GABRG2: variants seen among roughly 807,000 people sequenced by gnomAD.
GABRG2 encodes gamma-aminobutyric acid receptor subunit gamma-2.
A neutral mutation model predicts 56.4 loss-of-function variants in GABRG2; 16 were observed. The observed-to-expected ratio is 0.28, with a 90% CI of 0.19 to 0.43. The LOEUF (loss-of-function observed/expected upper bound fraction) is 0.43. GABRG2 is among the 20% of genes least tolerant of loss of function. The probability of loss-of-function intolerance (pLI) is 1.00; values close to 1 mark genes in which losing one functional copy is unlikely to be tolerated. For missense variants in GABRG2, 327 were observed against 582.7 expected (o/e 0.56, Z 4.52); for synonymous variants, 208 against 205.5 (o/e 1.01, Z -0.10).
In GABRG2 at chr5:162,142,330, G is replaced by A. The variant is rs1344721938; in HGVS notation, c.922+14G>A. On this transcript the variant is annotated intron_variant, in intron 7 of 9. Transcript: ENST00000639213. ...GAACATCTTTAGGTGAGACACCTTT[G>A]TTTATGTTGCAGTTTCTCAAGATAA... The A allele has an allele frequency of 1.2e-6, 2 of 1,613,790 alleles. No homozygotes were observed. Among genetic ancestry groups the A allele is most frequent in the Non-Finnish European group, 1.7e-6 (2 of 1,179,814 alleles).
intron 1 of GABRG2, among the ~76,000 whole-genome samples, chr5:162,069,481 A>G (rs2113095246): frequency 6.6e-6 from 1 of 152,258 alleles, no homozygotes; most frequent in African/African-American, 2.4e-5. Flanking sequence ...AATTATTGAA[A>G]CTAGGCAACT....
At chr5:162,093,290 C>T (rs530247574) in intron 1 of GABRG2, among the ~76,000 whole-genome samples, 1 of 152,108 alleles carries the variant, frequency 6.6e-6, no homozygotes, top group Non-Finnish European at 1.5e-5. Context: ...TACACATAAA[C>T]ACACCCTGGG....
intron 6 of GABRG2, among the ~76,000 whole-genome samples, chr5:162,105,379 C>T (rs1195851501): frequency 6.6e-6 from 1 of 150,580 alleles, no homozygotes; most frequent in Non-Finnish European, 1.5e-5. Flanking sequence ...TTAAAATGGC[C>T]TTCTGTTCCA....
At chr5:162,081,845 A>G (rs1759691306) in intron 1 of GABRG2, among the ~76,000 whole-genome samples, 2 of 151,990 alleles carry the variant, frequency 1.3e-5, no homozygotes, top group African/African-American at 4.8e-5. Flanking sequence ...TCAGGAAAAC[A>G]GTTTAGGATT....
At chr5:162,136,159 G>A (rs1764108957) in intron 6 of GABRG2, among the ~76,000 whole-genome samples, 1 of 152,148 alleles carries the variant, frequency 6.6e-6, no homozygotes, top group Non-Finnish European at 1.5e-5. Context: ...GATGGATCAA[G>A]CAAACTGGGC....
chr5:162,136,611 T>G (rs1486133350), intron 6 of GABRG2, among the ~76,000 whole-genome samples: 1 of 151,798 alleles, frequency 6.6e-6, no homozygotes. Context: ...AGGCAAGAAA[T>G]AAAAACATTT....
chr5:162,082,425 A>G (rs1162667423), intron 1 of GABRG2, among the ~76,000 whole-genome samples: 1 of 151,844 alleles, frequency 6.6e-6, no homozygotes, highest in African/African-American at 2.4e-5. Flanking sequence ...CTTCTATTAT[A>G]TAAACCTTTT....
At chr5:162,111,516 C>T (rs1302268655) in intron 6 of GABRG2, among the ~76,000 whole-genome samples, 1 of 152,014 alleles carries the variant, frequency 6.6e-6, no homozygotes, top group Non-Finnish European at 1.5e-5. Context: ...GTTCCATTGG[C>T]GAGAACTAGT....
intron 1 of GABRG2, among the ~76,000 whole-genome samples, chr5:162,092,873 T>C (rs209358): frequency 0.44 from 67,016 of 151,954 alleles, 15,054 homozygotes; most frequent in African/African-American, 0.52. Context: ...TCATTCAGTG[T>C]TGATAAAAAT....
At chr5:162,091,627 C>T (rs1760596002) in intron 1 of GABRG2, among the ~76,000 whole-genome samples, 1 of 128,236 alleles carries the variant, frequency 7.8e-6, no homozygotes, top group South Asian at 2.4e-4. Flanking sequence ...GCTAAGTAGA[C>T]TCCTGAAGTG....
chr5:162,083,194 T>G, intron 1 of GABRG2, among the ~76,000 whole-genome samples: 1 of 151,796 alleles, frequency 6.6e-6, no homozygotes, highest in East Asian at 1.9e-4. Flanking sequence ...AATTGGAATA[T>G]TTCATTTCCT....
intron 9 of GABRG2, chr5:162,152,197 G>C (rs975851387): frequency 6.0e-5 from 11 of 183,552 alleles, no homozygotes; most frequent in African/African-American, 2.6e-4. Flanking sequence ...TGTAAGTTCT[G>C]TAAGAACAAT....
At chr5:162,120,890 T>C (rs972639600) in intron 6 of GABRG2, among the ~76,000 whole-genome samples, 1 of 152,172 alleles carries the variant, frequency 6.6e-6, no homozygotes, top group Admixed American at 6.6e-5. Context: ...TTGCTTTCTT[T>C]AACCAAGATA....
chr5:162,082,110 C>A (rs1370570722), intron 1 of GABRG2, among the ~76,000 whole-genome samples: 1 of 151,702 alleles, frequency 6.6e-6, no homozygotes, highest in Non-Finnish European at 1.5e-5. Flanking sequence ...CTTATGTGTT[C>A]TGCCTTGATA....
intron 1 of GABRG2, among the ~76,000 whole-genome samples, chr5:162,075,047 T>C (rs777671843): frequency 3.3e-5 from 5 of 152,096 alleles, no homozygotes; most frequent in Non-Finnish European, 5.9e-5. Flanking sequence ...CTTCCACAAG[T>C]ACTCCTCTGT....
intron 6 of GABRG2, among the ~76,000 whole-genome samples, chr5:162,115,018 T>G (rs950589919): frequency 6.6e-6 from 1 of 152,184 alleles, no homozygotes; most frequent in Non-Finnish European, 1.5e-5. Flanking sequence ...ATCAAACTGA[T>G]ACTTTGTCCC....
intron 6 of GABRG2, among the ~76,000 whole-genome samples, chr5:162,106,871 AG>A (rs1181494083): frequency 1.3e-5 from 2 of 150,762 alleles, no homozygotes; most frequent in African/African-American, 2.5e-5. Flanking sequence ...CTTTTAAGTT[AG>A]GGGGTACATG....
chr5:162,133,585 C>G (rs1468753356), intron 6 of GABRG2, among the ~76,000 whole-genome samples: 1 of 152,044 alleles, frequency 6.6e-6, no homozygotes, highest in Non-Finnish European at 1.5e-5. Context: ...GATTTCTGAG[C>G]TGGAGTTGTT....
At chr5:162,079,836 G>A (rs967112040) in intron 1 of GABRG2, among the ~76,000 whole-genome samples, 2 of 151,956 alleles carry the variant, frequency 1.3e-5, no homozygotes, top group African/African-American at 2.4e-5. Context: ...AGGCTGGAGT[G>A]CAGTGGTGCG....
Sources: allele counts gnomAD v4.1 joint callset (sites outside exome capture counted in the v4.1 genomes callset), GRCh38; gene constraint gnomAD v4.1.1; transcripts MANE v1.5; gene names NCBI Gene and HGNC (gene_info 2026-07-23, HGNC 2026-07-21).